The following KLF15 variants were observed in gnomAD, a reference collection of about 807,000 sequenced individuals.
KLF15 encodes Krueppel-like factor 15.
Under a neutral mutation model 24.6 loss-of-function variants are expected in KLF15, and 4 were observed. That is an observed-to-expected ratio of 0.16 (90% CI 0.08 to 0.37). The LOEUF (loss-of-function observed/expected upper bound fraction) is 0.37, where lower values mean the gene tolerates loss of function less well. Among genes scored for constraint, KLF15 ranks in the 10% least tolerant of loss-of-function variants. The pLI, the probability that KLF15 is intolerant of heterozygous loss-of-function variation, is 1.00. For synonymous variants in KLF15, 246 were observed against 236.3 expected (o/e 1.04, Z -0.37); for missense variants, 496 against 560.6 (o/e 0.88, Z 1.16).
In KLF15 at chr3:126,357,251, C is replaced by A. The variant is rs2082641085; in HGVS notation, c.-40G>T. 1 of 149,000 alleles carries A rather than the reference C, an allele frequency of 6.7e-6. No individual in the cohort carries two copies. The highest frequency in any genetic ancestry group is 2.4e-5 in the African/African-American group (1 of 40,930). 9.2% of individuals were successfully genotyped at this position (149,000 alleles called of 1,614,324 possible). On this transcript the variant is annotated 5_prime_UTR_variant, in exon 1 of 3. Transcript: ENST00000296233. The stretch of plus-strand genomic sequence containing the variant: ...GCCTCTCCCACCTGAACTTGGCGCA[C>A]GCCGGACCGGCGGCCAGGCCCCGGC...
chr3:126,336,743 A>G, the KLF15 span, among the ~76,000 whole-genome samples: 1 of 18,378 alleles, frequency 5.4e-5, no homozygotes, highest in Non-Finnish European at 9.0e-5. Flanking sequence ...AAAACAAACA[A>G]CCCCATCAAA....
chr3:126,327,765 TGAAA>T, the KLF15 span, among the ~76,000 whole-genome samples: 1 of 152,344 alleles, frequency 6.6e-6, no homozygotes, highest in South Asian at 2.1e-4. Context: ...CATTGCCAAA[TGAAA>T]GAGCTAGTTT....
intron 2 of KLF15, among the ~76,000 whole-genome samples, chr3:126,348,978 G>C (rs1195175256): frequency 1.3e-5 from 2 of 152,164 alleles, no homozygotes; most frequent in Non-Finnish European, 2.9e-5. Context: ...TGAGTGGTCA[G>C]TAAATACGCC....
At chr3:126,299,030 G>A in the KLF15 span, among the ~76,000 whole-genome samples, 1 of 152,076 alleles carries the variant, frequency 6.6e-6, no homozygotes. Flanking sequence ...GATGGGAATT[G>A]CATTAAATCT....
the KLF15 span, among the ~76,000 whole-genome samples, chr3:126,332,083 C>A: frequency 1.3e-5 from 2 of 152,218 alleles, no homozygotes; most frequent in Non-Finnish European, 1.5e-5. Context: ...CTCAAGGAGG[C>A]CTGCCTGTCT....
At chr3:126,342,478 C>A (rs1049212641), downstream of KLF15, among the ~76,000 whole-genome samples, 5 of 152,174 alleles carry the variant, frequency 3.3e-5, no homozygotes, top group South Asian at 8.3e-4. Flanking sequence ...GGGAACCCTA[C>A]CCTGCTGGAC....
chr3:126,300,192 G>A, the KLF15 span, among the ~76,000 whole-genome samples: 1 of 152,142 alleles, frequency 6.6e-6, no homozygotes, highest in Admixed American at 6.5e-5. Flanking sequence ...CATTAGAGCA[G>A]GGTGGTACCA....
the KLF15 span, among the ~76,000 whole-genome samples, chr3:126,322,012 A>G: frequency 6.6e-6 from 1 of 152,152 alleles, no homozygotes; most frequent in African/African-American, 2.4e-5. Flanking sequence ...TTTGATTTTC[A>G]TCCTTGCATT....
the KLF15 span, among the ~76,000 whole-genome samples, chr3:126,301,610 C>CTTTTTTTTTTTTTTTTT: frequency 1.5e-4 from 20 of 132,268 alleles, no homozygotes; most frequent in East Asian, 4.3e-4. Context: ...TTTTCTTTTT[C>CTTTTTTTTTTTTTTTTT]TTTTTTTTTT....
chr3:126,355,735 G>A (rs529158582), intron 1 of KLF15, among the ~76,000 whole-genome samples: 1 of 152,250 alleles, frequency 6.6e-6, no homozygotes, highest in Non-Finnish European at 1.5e-5. Flanking sequence ...TGAATGGAAG[G>A]TGCGGGGGAG....
chr3:126,345,495 A>C (rs2082528271), intron 2 of KLF15, among the ~76,000 whole-genome samples: 1 of 152,040 alleles, frequency 6.6e-6, no homozygotes, highest in African/African-American at 2.4e-5. Flanking sequence ...ACGGACAAAT[A>C]CATGCCCACA....
chr3:126,291,608 C>T, the KLF15 span, among the ~76,000 whole-genome samples: 2 of 152,244 alleles, frequency 1.3e-5, no homozygotes, highest in Non-Finnish European at 2.9e-5. Context: ...GGAAGGAGGC[C>T]GGGGCTGCCA....
the KLF15 span, among the ~76,000 whole-genome samples, chr3:126,308,460 T>G: frequency 6.6e-6 from 1 of 152,018 alleles, no homozygotes; most frequent in African/African-American, 2.4e-5. Flanking sequence ...GACGACCACC[T>G]CATTCCAGCT....
the KLF15 span, among the ~76,000 whole-genome samples, chr3:126,312,646 C>T: frequency 1.3e-5 from 2 of 152,202 alleles, no homozygotes; most frequent in African/African-American, 2.4e-5. Flanking sequence ...GCACCAAATA[C>T]TGTATCATCT....
the KLF15 span, among the ~76,000 whole-genome samples, chr3:126,322,601 A>G: frequency 1.3e-5 from 2 of 152,332 alleles, no homozygotes; most frequent in African/African-American, 4.8e-5. Context: ...CTTGTAAAGT[A>G]ACATCTTCCC....
chr3:126,294,527 C>G, the KLF15 span, among the ~76,000 whole-genome samples: 1 of 152,168 alleles, frequency 6.6e-6, no homozygotes, highest in Non-Finnish European at 1.5e-5. Context: ...TTAAGCCATA[C>G]ACCAGTTGAT....
the KLF15 span, among the ~76,000 whole-genome samples, chr3:126,317,831 A>G: frequency 6.6e-6 from 1 of 152,026 alleles, no homozygotes; most frequent in African/African-American, 2.4e-5. Flanking sequence ...CTGCTTAAAA[A>G]CTTGCCTGGG....
At chr3:126,317,236 A>C in the KLF15 span, among the ~76,000 whole-genome samples, 1 of 152,098 alleles carries the variant, frequency 6.6e-6, no homozygotes. Context: ...ATGTCTATAC[A>C]TTTCCCAAGA....
At chr3:126,311,243 C>T in the KLF15 span, among the ~76,000 whole-genome samples, 2 of 152,224 alleles carry the variant, frequency 1.3e-5, no homozygotes, top group Non-Finnish European at 2.9e-5. Flanking sequence ...CCCCAAACTC[C>T]AGAAGCTAAA....
Sources: allele counts gnomAD v4.1 joint callset (sites outside exome capture counted in the v4.1 genomes callset), GRCh38; gene constraint gnomAD v4.1.1; transcripts MANE v1.5; gene names NCBI Gene and HGNC (gene_info 2026-07-23, HGNC 2026-07-21).